Variants in SDK1 observed in about 807,000 individuals in gnomAD.
SDK1 encodes the protein protein sidekick-1.
SDK1 carries 157 observed loss-of-function variants against 245.5 expected under a neutral mutation model. The ratio of observed to expected loss-of-function variants is 0.64; its 90% CI spans 0.56 to 0.73. The LOEUF (loss-of-function observed/expected upper bound fraction) is 0.73. SDK1 is among the 30% of genes least tolerant of loss of function. The pLI is 0.00. For synonymous variants in SDK1, 1,647 were observed against 1,278.5 expected (o/e 1.29, Z -6.15); for missense variants, 3,583 against 3,002.3 (o/e 1.19, Z -4.52).
intron 1 of SDK1, among the ~76,000 whole-genome samples, chr7:3,419,031 T>A (rs926971110): frequency 2.0e-5 from 3 of 152,224 alleles, no homozygotes; most frequent in African/African-American, 7.2e-5. Context: ...TTTTCCTGAT[T>A]TAAAGATGAC....
In SDK1 at chr7:3,938,645, C is replaced by CAAAA. The variant is rs559065786; in HGVS notation, c.848-12266_848-12263dup. 1.7e-4 allele frequency among the ~76,000 whole-genome samples: 15 copies of CAAAA among 90,600 alleles called. 1 individual carries two copies. The highest frequency in any genetic ancestry group is 8.0e-4 in the African/African-American group (15 of 18,644). 59.4% of individuals were successfully genotyped at this position (90,600 alleles called of 152,430 possible). On this transcript the variant is annotated intron_variant, in intron 5 of 44. Coordinates refer to ENST00000404826, the MANE Select transcript of SDK1 (RefSeq NM_152744.4). Reference sequence around the variant, plus strand: ...TGGGCGACAGAGTGAGACTCCGTCTCAAAAAAAAAAAAAAAGAGATCCTCA... The same window carrying CAAAA: ...TGGGCGACAGAGTGAGACTCCGTCTCAAAAAAAAAAAAAAAAAAAGAGATCCTCA...
chr7:3,434,171 T>G (rs944270860), intron 1 of SDK1, among the ~76,000 whole-genome samples: 1 of 152,180 alleles, frequency 6.6e-6, no homozygotes, highest in East Asian at 1.9e-4. Flanking sequence ...TCCTCTCTTT[T>G]TGAAGGCTCA....
chr7:3,351,838 A>G (rs1381879730), intron 1 of SDK1, among the ~76,000 whole-genome samples: 1 of 152,182 alleles, frequency 6.6e-6, no homozygotes, highest in Non-Finnish European at 1.5e-5. Flanking sequence ...GCAGACAGAA[A>G]TCTTAGGATA....
At chr7:3,765,533 G>C (rs373077012) in intron 4 of SDK1, among the ~76,000 whole-genome samples, 26 of 152,238 alleles carry the variant, frequency 1.7e-4, no homozygotes, top group African/African-American at 6.3e-4. Flanking sequence ...GCTAGTTCTC[G>C]TTGTAGTGTC....
chr7:3,988,912 C>T (rs1441958052), intron 14 of SDK1, among the ~76,000 whole-genome samples: 1 of 152,162 alleles, frequency 6.6e-6, no homozygotes, highest in Non-Finnish European at 1.5e-5. Flanking sequence ...GCTGGGACTA[C>T]AGGCACCTGC....
intron 34 of SDK1, 65 bp downstream of exon 34, chr7:4,175,899 G>T: frequency 1.4e-6 from 2 of 1,440,078 alleles, no homozygotes; most frequent in Non-Finnish European, 9.7e-7. Flanking sequence ...GAGCCAGCTG[G>T]TCTCTCAGTG....
At chr7:3,750,354 C>T (rs901736525) in intron 4 of SDK1, among the ~76,000 whole-genome samples, 7 of 152,204 alleles carry the variant, frequency 4.6e-5, no homozygotes, top group African/African-American at 1.7e-4. Context: ...GCTCAATCCA[C>T]AAGCAGGTAA....
intron 6 of SDK1, 98 bp from the exon 7 acceptor site, chr7:3,951,632 C>G (rs1471801418): frequency 3.9e-6 from 4 of 1,031,942 alleles, no homozygotes; most frequent in Non-Finnish European, 5.8e-6. Context: ...ACCCTGGTAG[C>G]ATTAGCTTCG....
At chr7:3,461,530 TG>T (rs1010701173) in intron 1 of SDK1, among the ~76,000 whole-genome samples, 1 of 152,200 alleles carries the variant, frequency 6.6e-6, no homozygotes, top group African/African-American at 2.4e-5. Context: ...ACAGTTGCTG[TG>T]GAGTGGCGTG....
chr7:3,984,402 A>C (rs1013516599), intron 13 of SDK1, among the ~76,000 whole-genome samples: 2 of 152,194 alleles, frequency 1.3e-5, no homozygotes, highest in African/African-American at 2.4e-5. Flanking sequence ...GTGATTTGAA[A>C]TCAAGTGCAA....
intron 44 of SDK1, among the ~76,000 whole-genome samples, chr7:4,257,379 C>T (rs1787700491): frequency 1.3e-5 from 2 of 152,210 alleles, no homozygotes; most frequent in South Asian, 2.1e-4. Context: ...TCACATCACA[C>T]AGGAAACTTA....
chr7:3,504,798 C>G (rs1271458392), intron 1 of SDK1, among the ~76,000 whole-genome samples: 1 of 150,174 alleles, frequency 6.7e-6, no homozygotes, highest in Non-Finnish European at 1.5e-5. Flanking sequence ...AAAAACCATA[C>G]TTGGCTGGTG....
chr7:4,203,103 C>T (rs1034843326), intron 35 of SDK1, among the ~76,000 whole-genome samples: 4 of 152,346 alleles, frequency 2.6e-5, no homozygotes, highest in African/African-American at 9.6e-5. Flanking sequence ...GCTGCAGCCT[C>T]CAGCCCACCC....
At chr7:3,839,485 G>A (rs1242187865) in intron 5 of SDK1, among the ~76,000 whole-genome samples, 1 of 152,100 alleles carries the variant, frequency 6.6e-6, no homozygotes, top group Non-Finnish European at 1.5e-5. Context: ...ATGCTGTCGA[G>A]GAATTGGGTG....
chr7:4,010,929 G>A, intron 14 of SDK1, 37 bp from the exon 15 acceptor site: 2 of 1,611,016 alleles, frequency 1.2e-6, no homozygotes, highest in Non-Finnish European at 1.7e-6. Flanking sequence ...GACATGATAA[G>A]CCTGTGGGCT....
chr7:3,498,660 T>G (rs888785033), intron 1 of SDK1, among the ~76,000 whole-genome samples: 1 of 152,194 alleles, frequency 6.6e-6, no homozygotes, highest in African/African-American at 2.4e-5. Context: ...TTGCTTAGTC[T>G]TGTATGTGTT....
At chr7:3,495,281 G>A (rs146933792) in intron 1 of SDK1, among the ~76,000 whole-genome samples, 3 of 128,024 alleles carry the variant, frequency 2.3e-5, no homozygotes, top group African/African-American at 3.2e-5. Flanking sequence ...TTTTTGAAGC[G>A]GAGTCTCGCT....
chr7:3,995,239 G>A (rs80082223), intron 14 of SDK1, among the ~76,000 whole-genome samples: 4 of 152,256 alleles, frequency 2.6e-5, no homozygotes, highest in East Asian at 1.9e-4. Context: ...TTTGCTCACC[G>A]AATCTGGGAA....
Position 4,268,963 on chromosome 7 carries a change from G to T in SDK1, c.*3579G>T. 1 of 282,638 alleles carries T rather than the reference G, an allele frequency of 3.5e-6. No homozygotes were observed. Among genetic ancestry groups the T allele is most frequent in the Admixed American group, 4.5e-5 (1 of 22,404 alleles). The allele number at this position is 282,638 out of a possible 1,614,324, so 17.5% of individuals were successfully genotyped here. A position where few individuals can be genotyped will look rare whatever the true frequency, so the allele number is the denominator to read the frequency against. ...GTAGGAAGACAGAGAGGTGCTATGG[G>T]TACAATTTTTAATAAAAACATTATT... On this transcript the variant is annotated 3_prime_UTR_variant, in exon 45 of 45. Coordinates refer to ENST00000404826, the MANE Select transcript of SDK1 (RefSeq NM_152744.4).
Sources: allele counts gnomAD v4.1 joint callset (sites outside exome capture counted in the v4.1 genomes callset), GRCh38; gene constraint gnomAD v4.1.1; transcripts MANE v1.5; gene names NCBI Gene and HGNC (gene_info 2026-07-23, HGNC 2026-07-21).